Variants in CADPS observed in about 807,000 individuals in gnomAD.
CADPS encodes calcium dependent secretion activator.
CADPS carries 57 observed loss-of-function variants against 167.3 expected under a neutral mutation model. That is an observed-to-expected ratio of 0.34 (90% CI 0.28 to 0.42). The LOEUF is 0.42. CADPS is among the 20% of genes least tolerant of loss of function. The pLI, the probability that CADPS is intolerant of heterozygous loss-of-function variation, is 1.00. For missense variants in CADPS, 1,414 were observed against 1,738.1 expected, an observed-to-expected ratio of 0.81 and a Z score of 3.32; for synonymous variants, 676 against 635.3, an observed-to-expected ratio of 1.06 and a Z score of -0.96.
intron 3 of CADPS, among the ~76,000 whole-genome samples, chr3:62,676,312 A>AAT (rs1053193118): frequency 3.9e-5 from 6 of 152,148 alleles, no homozygotes; most frequent in Non-Finnish European, 7.4e-5. Context: ...AGAGGTGTTC[A>AAT]ATATATATTT....
At chr3:62,562,088 A>T (rs2079265326) in intron 9 of CADPS, among the ~76,000 whole-genome samples, 1 of 152,200 alleles carries the variant, frequency 6.6e-6, no homozygotes, top group African/African-American at 2.4e-5. Flanking sequence ...TATTAAAAAG[A>T]GAGGTATATG....
chr3:62,655,559 T>C (rs959153651), intron 4 of CADPS, among the ~76,000 whole-genome samples: 2 of 152,184 alleles, frequency 1.3e-5, no homozygotes, highest in Non-Finnish European at 2.9e-5. Flanking sequence ...AAATAGCATT[T>C]GAAAGTTCTA....
rs2093235786 is a variant in CADPS, at chr3:62,794,599, A to G, written c.442-28615T>C. 1.3e-5 allele frequency among the ~76,000 whole-genome samples: 2 copies of G among 152,094 alleles called. 1 individual carries two copies. Among genetic ancestry groups the G allele is most frequent in the Admixed American group, 1.3e-4 (2 of 15,258 alleles). On this transcript the variant is annotated intron_variant, in intron 1 of 29. Transcript: ENST00000383710. Reference sequence around the variant, plus strand: ...ATTTAGTAAATAATCATAATCAGTAAATATTAGCTATTCTTGTTATTGTAT... The same window carrying G: ...ATTTAGTAAATAATCATAATCAGTAGATATTAGCTATTCTTGTTATTGTAT...
chr3:62,795,303 T>G (rs1357854693), intron 1 of CADPS, among the ~76,000 whole-genome samples: 3 of 152,008 alleles, frequency 2.0e-5, no homozygotes, highest in Admixed American at 1.3e-4. Context: ...ACTACAACCC[T>G]TTCATCACCC....
chr3:62,742,777 G>A (rs1237722106), intron 3 of CADPS, among the ~76,000 whole-genome samples: 1 of 152,136 alleles, frequency 6.6e-6, no homozygotes, highest in South Asian at 2.1e-4. Context: ...TGACAAATGG[G>A]ATCTAATTAA....
At chr3:62,797,694 C>T (rs982542316) in intron 1 of CADPS, among the ~76,000 whole-genome samples, 3 of 151,854 alleles carry the variant, frequency 2.0e-5, no homozygotes, top group Non-Finnish European at 4.4e-5. Flanking sequence ...GAGAGAGGAT[C>T]AGGAAAAATA....
chr3:62,479,411 A>T (rs1464556083), intron 22 of CADPS, among the ~76,000 whole-genome samples: 1 of 152,220 alleles, frequency 6.6e-6, no homozygotes, highest in Non-Finnish European at 1.5e-5. Flanking sequence ...GTAATTTATA[A>T]AATGTCCAAC....
chr3:62,651,219 G>GA, intron 4 of CADPS, 139 bp from the exon 5 acceptor site: 1 of 642,830 alleles, frequency 1.6e-6, no homozygotes, highest in Middle Eastern at 3.1e-4. Flanking sequence ...CCTTGTGCTA[G>GA]AAAAATGTTC....
chr3:62,519,818 G>A (rs946231790), intron 13 of CADPS, among the ~76,000 whole-genome samples: 5 of 151,868 alleles, frequency 3.3e-5, no homozygotes, highest in African/African-American at 4.8e-5. Flanking sequence ...TGAAACGTCC[G>A]TGAATCTACA....
At chr3:62,436,282 C>A (rs1445606543) in intron 28 of CADPS, among the ~76,000 whole-genome samples, 1 of 152,074 alleles carries the variant, frequency 6.6e-6, no homozygotes, top group South Asian at 2.1e-4. Flanking sequence ...TTAGAGAACA[C>A]AAGGTTATTG....
intron 9 of CADPS, among the ~76,000 whole-genome samples, chr3:62,570,028 C>T (rs1578001890): frequency 6.6e-6 from 1 of 152,136 alleles, no homozygotes; most frequent in East Asian, 1.9e-4. Flanking sequence ...CATCAATATC[C>T]GCATCTACAT....
At chr3:62,671,735 C>G (rs1004655755) in intron 3 of CADPS, among the ~76,000 whole-genome samples, 1 of 151,910 alleles carries the variant, frequency 6.6e-6, no homozygotes, top group Non-Finnish European at 1.5e-5. Context: ...ATATGATATT[C>G]CGGGTTGGGG....
chr3:62,862,347 G>C (rs970544466), intron 1 of CADPS, among the ~76,000 whole-genome samples: 6 of 151,506 alleles, frequency 4.0e-5, no homozygotes, highest in African/African-American at 1.5e-4. Context: ...TTCCCGAGTA[G>C]CTGGGGTTAC....
At chr3:62,731,606 C>T (rs1441831232) in intron 3 of CADPS, among the ~76,000 whole-genome samples, 1 of 151,720 alleles carries the variant, frequency 6.6e-6, no homozygotes, top group Non-Finnish European at 1.5e-5. Flanking sequence ...TTCTGAAAAG[C>T]CATCACAAGT....
chr3:62,795,871 A>G (rs1267445149), intron 1 of CADPS, among the ~76,000 whole-genome samples: 4 of 152,190 alleles, frequency 2.6e-5, no homozygotes, highest in African/African-American at 9.6e-5. Flanking sequence ...GGGAGGTAAC[A>G]GAGTAGAGAA....
intron 6 of CADPS, among the ~76,000 whole-genome samples, chr3:62,594,338 T>C (rs1366631018): frequency 6.6e-6 from 1 of 151,532 alleles, no homozygotes; most frequent in African/African-American, 2.4e-5. Context: ...ATTTTTTGTA[T>C]TTTTAGTAGA....
At chr3:62,779,691 T>G in intron 1 of CADPS, 1 of 491,822 alleles carries the variant, frequency 2.0e-6, no homozygotes, top group Non-Finnish European at 4.1e-6. Context: ...AGCCCCATTC[T>G]GATCAATAAC....
At chr3:62,524,428 C>T (rs1456558686) in intron 13 of CADPS, among the ~76,000 whole-genome samples, 1 of 152,154 alleles carries the variant, frequency 6.6e-6, no homozygotes, top group Non-Finnish European at 1.5e-5. Context: ...CTCAGACACG[C>T]TGCTAAAACA....
At position 62,821,088 on chromosome 3, in the gene CADPS, T is replaced by C. The variant is rs1371321400; in HGVS notation, c.441+53501A>G. 2.0e-5 allele frequency among the ~76,000 whole-genome samples: 3 copies of C among 152,190 alleles called. No homozygotes were observed. The East Asian group carries it at 5.8e-4, about 29-fold the overall frequency. The stretch of plus-strand genomic sequence containing the variant: ...TGCTGGGATTACAGGCGTAAGCCAC[T>C]ATGCCTGGCCTTCTTCCTCATCTTA... On this transcript the variant is annotated intron_variant, in intron 1 of 29. Coordinates refer to ENST00000383710, the MANE Select transcript of CADPS (RefSeq NM_003716.4).
Sources: gnomAD v4.1 joint callset for allele counts (sites outside exome capture counted in the v4.1 genomes callset) on GRCh38, gnomAD v4.1.1 for gene constraint, MANE v1.5 for transcripts, NCBI Gene and HGNC (gene_info 2026-07-23, HGNC 2026-07-21) for gene names.